The following FGF13 variants were observed in gnomAD, a reference collection of about 807,000 sequenced individuals.
FGF13 encodes fibroblast growth factor homologous factor 2.
FGF13 carries 2 observed loss-of-function variants against 19.5 expected under a neutral mutation model. That is an observed-to-expected ratio of 0.10 (90% CI 0.04 to 0.32). The LOEUF (loss-of-function observed/expected upper bound fraction) is 0.32. Among genes scored for constraint, FGF13 ranks in the 10% least tolerant of loss-of-function variants. The probability of loss-of-function intolerance (pLI) is 1.00; values close to 1 mark genes in which losing one functional copy is unlikely to be tolerated. For missense variants in FGF13, 113 were observed against 192.7 expected (o/e 0.59, Z 2.45); for synonymous variants, 72 against 76.9 (o/e 0.94, Z 0.33).
intron 1 of FGF13, among the ~76,000 whole-genome samples, chrX:139,003,287 C>G (rs187966884): frequency 8.3e-4 from 91 of 110,135 alleles, no homozygotes; most frequent in Admixed American, 1.5e-3. Context: ...TCGTTCCTCC[C>G]GGTGGGCTTG....
At chrX:138,736,168 T>C (rs1359561511) in intron 1 of FGF13, among the ~76,000 whole-genome samples, 1 of 111,985 alleles carries the variant, frequency 8.9e-6, no homozygotes, top group Non-Finnish European at 1.9e-5. Context: ...TCCTTTTGAA[T>C]ACTCTCCTTC....
chrX:138,669,261 C>T (rs762559509), intron 3 of FGF13, among the ~76,000 whole-genome samples: 2 of 110,651 alleles, frequency 1.8e-5, no homozygotes, highest in African/African-American at 6.6e-5. Context: ...AGAAGAGGAA[C>T]TTTTCTTTTG....
chrX:138,678,080 C>CA (rs750988500), intron 3 of FGF13, among the ~76,000 whole-genome samples: 26 of 111,233 alleles, frequency 2.3e-4, no homozygotes, highest in Admixed American at 6.7e-4. Context: ...ATCGCAAGGA[C>CA]AAAAAACCAA....
intron 3 of FGF13, among the ~76,000 whole-genome samples, chrX:138,677,165 T>C (rs1057487504): frequency 8.9e-6 from 1 of 111,864 alleles, no homozygotes; most frequent in African/African-American, 3.2e-5. Flanking sequence ...TCAGGAATAG[T>C]GATGAATTGT....
intron 1 of FGF13, among the ~76,000 whole-genome samples, chrX:139,038,356 A>C (rs1037369175): frequency 1.3e-4 from 14 of 111,217 alleles, no homozygotes; most frequent in African/African-American, 4.2e-4. Context: ...CTTTGCATGT[A>C]CCACCTGTTT....
intron 3 of FGF13, among the ~76,000 whole-genome samples, chrX:138,636,244 TC>T (rs1165008384): frequency 9.0e-6 from 1 of 111,013 alleles, no homozygotes; most frequent in African/African-American, 3.3e-5. Context: ...AAAGAAAAAT[TC>T]CCCCCTCACC....
intron 1 of FGF13, among the ~76,000 whole-genome samples, chrX:139,101,477 T>G (rs938530171): frequency 1.8e-5 from 2 of 112,476 alleles, no homozygotes; most frequent in African/African-American, 6.5e-5. Context: ...TTTTTACGTG[T>G]GAAACAGATT....
At chrX:138,758,750 G>A (rs2090447285) in intron 3 of FGF13, among the ~76,000 whole-genome samples, 1 of 112,159 alleles carries the variant, frequency 8.9e-6, no homozygotes, top group African/African-American at 3.2e-5. Flanking sequence ...ATTTATCCTT[G>A]TTAAAGGACA....
intron 1 of FGF13, among the ~76,000 whole-genome samples, chrX:138,900,596 T>C (rs911862164): frequency 1.8e-5 from 2 of 111,252 alleles, no homozygotes; most frequent in Non-Finnish European, 3.8e-5. Flanking sequence ...CCAATATATC[T>C]CCCCTTCTGC....
intron 3 of FGF13, among the ~76,000 whole-genome samples, chrX:138,664,207 T>TCA (rs1195842630): frequency 8.9e-6 from 1 of 111,754 alleles, no homozygotes; most frequent in East Asian, 2.8e-4. Flanking sequence ...ACAATTTGTT[T>TCA]GATTGATGCA....
chrX:138,834,801 T>C (rs761830376), intron 3 of FGF13, among the ~76,000 whole-genome samples: 6 of 111,526 alleles, frequency 5.4e-5, no homozygotes, highest in African/African-American at 1.6e-4. Context: ...TCTAATGCTA[T>C]AAATTTACCT....
At chrX:138,916,156 G>A (rs1284160469) in intron 1 of FGF13, among the ~76,000 whole-genome samples, 1 of 111,845 alleles carries the variant, frequency 8.9e-6, no homozygotes. Context: ...TTCGCAGTGA[G>A]TCGATTGCAA....
chrX:138,800,658 C>T (rs751898711), intron 3 of FGF13, among the ~76,000 whole-genome samples: 73 of 111,740 alleles, frequency 6.5e-4, no homozygotes, highest in Non-Finnish European at 1.1e-3. Context: ...GGATAATATC[C>T]TGAAGTGTGT....
intron 1 of FGF13, among the ~76,000 whole-genome samples, chrX:138,909,524 T>C (rs991810339): frequency 6.3e-5 from 7 of 111,909 alleles, no homozygotes; most frequent in African/African-American, 2.0e-4. Flanking sequence ...AGAGGTAACA[T>C]TGGCTTCTGA....
At chrX:139,034,054 T>G (rs1469004184) in intron 1 of FGF13, among the ~76,000 whole-genome samples, 1 of 111,789 alleles carries the variant, frequency 8.9e-6, no homozygotes, top group Admixed American at 9.5e-5. Context: ...TCTATCAGAA[T>G]TATTGACATA....
At chrX:138,953,231 T>C (rs2091823200) in intron 1 of FGF13, among the ~76,000 whole-genome samples, 1 of 110,836 alleles carries the variant, frequency 9.0e-6, no homozygotes, top group Admixed American at 9.6e-5. Flanking sequence ...ATAGACACCA[T>C]GGAATACTAT....
At chrX:139,107,891 G>GA (rs1263942968) in intron 1 of FGF13, among the ~76,000 whole-genome samples, 18 of 105,147 alleles carry the variant, frequency 1.7e-4, no homozygotes, top group Middle Eastern at 4.9e-3. Context: ...AGTAAAAAAA[G>GA]AAAAAAAAAA....
intron 1 of FGF13, among the ~76,000 whole-genome samples, chrX:138,735,271 G>A (rs1468056315): frequency 8.9e-6 from 1 of 111,948 alleles, no homozygotes; most frequent in East Asian, 2.8e-4. Flanking sequence ...CACAGAAAGA[G>A]TCCTAGTAAA....
At position 138,620,566 on chromosome X, in the gene FGF13, AAG is replaced by A. The variant is rs1205849660; in HGVS notation, c.*12282_*12283del. ...AAAGAAAGACAGCAAGAGAGGAAGA[AAG>A]AAACAAAAAAACTTACAAAACAGCT... On this transcript the variant is annotated 3_prime_UTR_variant, in exon 5 of 5. Transcript: ENST00000315930. 2 of 111,995 alleles carry A rather than the reference AAG, an allele frequency of 1.8e-5. No homozygotes were observed. Among genetic ancestry groups the A allele is most frequent in the African/African-American group, 6.5e-5 (2 of 30,879 alleles). 9.2% of individuals were successfully genotyped at this position (111,995 alleles called of 1,213,427 possible). A position where few individuals can be genotyped will look rare whatever the true frequency, so the allele number is the denominator to read the frequency against.
Sources: allele counts gnomAD v4.1 joint callset (sites outside exome capture counted in the v4.1 genomes callset), GRCh38; gene constraint gnomAD v4.1.1; transcripts MANE v1.5; gene names NCBI Gene and HGNC (gene_info 2026-07-23, HGNC 2026-07-21).